The following SLC8A1 variants were observed in gnomAD, a reference collection of about 807,000 sequenced individuals.
SLC8A1 encodes solute carrier family 8 member A1.
SLC8A1 carries 18 observed loss-of-function variants against 68.3 expected under a neutral mutation model. That is an observed-to-expected ratio of 0.26 (90% CI 0.18 to 0.39). SLC8A1 has a LOEUF of 0.39. Ranked by LOEUF, SLC8A1 falls within the 10% of genes least tolerant of loss-of-function variation. The pLI is 1.00. For missense variants in SLC8A1, 985 were observed against 1,156.7 expected, an observed-to-expected ratio of 0.85 and a Z score of 2.15; for synonymous variants, 475 against 415.5, an observed-to-expected ratio of 1.14 and a Z score of -1.74.
chr2:40,269,647 C>G (rs575491728), intron 2 of SLC8A1, among the ~76,000 whole-genome samples: 1 of 152,090 alleles, frequency 6.6e-6, no homozygotes, highest in African/African-American at 2.4e-5. Context: ...ACCTTGGTCA[C>G]GTCTTGGAGG....
At chr2:40,161,148 T>A (rs1398576830) in intron 5 of SLC8A1, among the ~76,000 whole-genome samples, 1 of 152,156 alleles carries the variant, frequency 6.6e-6, no homozygotes, top group East Asian at 1.9e-4. Context: ...CAAAAGCCCA[T>A]CCATCCCCCT....
intron 2 of SLC8A1, among the ~76,000 whole-genome samples, chr2:40,294,957 G>GA (rs371272649): frequency 1.3e-5 from 2 of 152,014 alleles, no homozygotes; most frequent in African/African-American, 2.4e-5. Context: ...AAAAGGAACA[G>GA]AAAAAAGTTA....
intron 6 of SLC8A1, among the ~76,000 whole-genome samples, chr2:40,155,549 T>A (rs747961210): frequency 6.6e-6 from 1 of 152,168 alleles, no homozygotes; most frequent in Non-Finnish European, 1.5e-5. Context: ...TGCTGAAAAG[T>A]CTCCTGCTTA....
At chr2:40,183,410 T>C (rs912972859) in intron 2 of SLC8A1, among the ~76,000 whole-genome samples, 11 of 152,362 alleles carry the variant, frequency 7.2e-5, no homozygotes, top group African/African-American at 1.9e-4. Flanking sequence ...GCAGCACACG[T>C]TATATTCCAT....
At chr2:40,109,564 C>T (rs1280967829) in exon 8 of SLC8A1, 2 of 152,136 alleles carry the variant, frequency 1.3e-5, no homozygotes, top group African/African-American at 4.8e-5. Flanking sequence ...TTTGATTTCT[C>T]CTATGATAAG....
At chr2:40,329,700 T>G (rs1050429174) in intron 2 of SLC8A1, among the ~76,000 whole-genome samples, 1 of 152,188 alleles carries the variant, frequency 6.6e-6, no homozygotes, top group African/African-American at 2.4e-5. Flanking sequence ...GTTCTTGTTT[T>G]AGGCTCTTGC....
chr2:40,135,425 C>T (rs1448631479), intron 7 of SLC8A1, among the ~76,000 whole-genome samples: 1 of 151,966 alleles, frequency 6.6e-6, no homozygotes, highest in Non-Finnish European at 1.5e-5. Flanking sequence ...TAGGAAAGGT[C>T]AGCCAGGTGC....
In SLC8A1 at chr2:40,122,206, G is replaced by A. The variant is rs200160384; in HGVS notation, c.2438-6577C>T. On this transcript the variant is annotated intron_variant, in intron 7 of 7. Transcript: ENST00000406785. ...CTCTCTCACAAGTGCATGCGCGCGC[G>A]CACACACACACACACACACGTGTGC... is the stretch of plus-strand genomic sequence containing the variant. 5.6e-5 allele frequency among the ~76,000 whole-genome samples: 7 copies of A among 124,574 alleles called. No individual in the cohort carries two copies. In the East Asian group the frequency reaches 8.6e-4, roughly 15 times the overall value. 81.7% of individuals were successfully genotyped at this position (124,574 alleles called of 152,430 possible).
intron 2 of SLC8A1, among the ~76,000 whole-genome samples, chr2:40,268,352 G>T (rs2065620139): frequency 6.6e-6 from 1 of 152,120 alleles, no homozygotes; most frequent in South Asian, 2.1e-4. Flanking sequence ...CACTAAGTGG[G>T]TCTAATGCAA....
chr2:40,461,982 A>G (rs1050215661), intron 1 of SLC8A1, among the ~76,000 whole-genome samples: 1 of 105,018 alleles, frequency 9.5e-6, no homozygotes. Context: ...TTATCCTCTC[A>G]TTTTAAAGTA....
chr2:40,277,423 C>G (rs1311789916), intron 2 of SLC8A1, among the ~76,000 whole-genome samples: 6 of 151,840 alleles, frequency 4.0e-5, no homozygotes, highest in African/African-American at 1.5e-4. Flanking sequence ...GCCTGTAATC[C>G]CAGCTATTCA....
At chr2:40,252,525 G>C (rs912242534) in intron 2 of SLC8A1, among the ~76,000 whole-genome samples, 1 of 151,964 alleles carries the variant, frequency 6.6e-6, no homozygotes, top group Non-Finnish European at 1.5e-5. Context: ...GTAGAGACAG[G>C]GTTTCACCAT....
intron 2 of SLC8A1, among the ~76,000 whole-genome samples, chr2:40,298,605 G>C (rs991603078): frequency 6.6e-6 from 1 of 152,148 alleles, no homozygotes; most frequent in Non-Finnish European, 1.5e-5. Flanking sequence ...ATTAGTTCCA[G>C]ATAAATCCTA....
At chr2:40,245,902 G>C (rs1368914481) in intron 2 of SLC8A1, among the ~76,000 whole-genome samples, 1 of 152,080 alleles carries the variant, frequency 6.6e-6, no homozygotes, top group Non-Finnish European at 1.5e-5. Flanking sequence ...TCATGGATGA[G>C]GAAACTGATG....
intron 2 of SLC8A1, among the ~76,000 whole-genome samples, chr2:40,401,836 A>C (rs1217409342): frequency 6.6e-6 from 1 of 152,150 alleles, no homozygotes. Flanking sequence ...AAAGGCTCTT[A>C]ATGATTCTTT....
chr2:40,505,029 T>C (rs1706280520), intron 1 of SLC8A1, among the ~76,000 whole-genome samples: 1 of 151,972 alleles, frequency 6.6e-6, no homozygotes, highest in Non-Finnish European at 1.5e-5. Flanking sequence ...CAGCACTGCT[T>C]ATAATACCTA....
At position 40,271,922 on chromosome 2, in the gene SLC8A1, A is replaced by C. The variant is rs1387906749; in HGVS notation, c.1809-94067T>G. On this transcript the variant is annotated intron_variant, in intron 2 of 7. Transcript: ENST00000406785. ...CACTCTGTTGCCCGGGCTGGAATGC[A>C]GTGGAACCGTCATAGCTCACTGCAG... Among the ~76,000 whole-genome samples, 4 of 152,000 alleles carry C rather than the reference A, an allele frequency of 2.6e-5. No homozygotes were observed. In the South Asian group the frequency reaches 8.3e-4, roughly 32 times the overall value.
chr2:40,428,720 G>C (rs1346294511), exon 2 of SLC8A1: 1 of 1,613,640 alleles, frequency 6.2e-7, no homozygotes, highest in Non-Finnish European at 8.5e-7. Flanking sequence ...GGAGATCCGA[G>C]GCAAGCAAGT....
intron 2 of SLC8A1, among the ~76,000 whole-genome samples, chr2:40,245,787 C>T (rs1017442395): frequency 3.2e-4 from 48 of 151,980 alleles, no homozygotes; most frequent in African/African-American, 1.1e-3. Flanking sequence ...TCAAGATAGA[C>T]ATCATGTTCA....
Sources: allele counts gnomAD v4.1 joint callset (sites outside exome capture counted in the v4.1 genomes callset), GRCh38; gene constraint gnomAD v4.1.1; transcripts MANE v1.5; gene names NCBI Gene and HGNC (gene_info 2026-07-23, HGNC 2026-07-21).